SLC24A2: variants seen among roughly 807,000 people sequenced by gnomAD.
SLC24A2 encodes the protein solute carrier family 24 member 2.
A neutral mutation model predicts 62.0 loss-of-function variants in SLC24A2; 36 were observed. The ratio of observed to expected loss-of-function variants is 0.58; its 90% CI spans 0.44 to 0.77. The LOEUF (loss-of-function observed/expected upper bound fraction) is 0.77. SLC24A2 is among the 30% of genes least tolerant of loss of function. The pLI is 0.00. For synonymous variants in SLC24A2, 358 were observed against 294.0 expected (o/e 1.22, Z -2.23); for missense variants, 846 against 817.9 (o/e 1.03, Z -0.42).
the SLC24A2 span, among the ~76,000 whole-genome samples, chr9:20,074,252 CG>C: frequency 2.0e-5 from 3 of 151,900 alleles, no homozygotes; most frequent in African/African-American, 7.3e-5. Flanking sequence ...CAAATGATAG[CG>C]TTTTTCCTTC....
chr9:19,521,823 T>A (rs1469823764), intron 9 of SLC24A2, among the ~76,000 whole-genome samples: 1 of 152,076 alleles, frequency 6.6e-6, no homozygotes, highest in Non-Finnish European at 1.5e-5. Context: ...AATAGTACAT[T>A]ATTATTGAAA....
At chr9:19,959,764 G>A in the SLC24A2 span, among the ~76,000 whole-genome samples, 1 of 152,082 alleles carries the variant, frequency 6.6e-6, no homozygotes, top group Non-Finnish European at 1.5e-5. Flanking sequence ...AACAATTGCT[G>A]GTACTCACTG....
At chr9:19,885,718 T>C in the SLC24A2 span, among the ~76,000 whole-genome samples, 1 of 152,056 alleles carries the variant, frequency 6.6e-6, no homozygotes, top group Non-Finnish European at 1.5e-5. Context: ...TAGTACCCGA[T>C]AGGTATTATT....
the SLC24A2 span, among the ~76,000 whole-genome samples, chr9:20,046,967 A>G: frequency 1.3e-5 from 2 of 152,158 alleles, no homozygotes; most frequent in African/African-American, 4.8e-5. Context: ...AGATGGAACA[A>G]CCAGGAAGAC....
chr9:19,990,994 ATG>A, the SLC24A2 span, among the ~76,000 whole-genome samples: 2 of 142,566 alleles, frequency 1.4e-5, no homozygotes, highest in South Asian at 2.2e-4. Context: ...TGTATTATAT[ATG>A]TGTGTATACA....
chr9:19,614,377 T>G (rs1452183177), intron 4 of SLC24A2, among the ~76,000 whole-genome samples: 2 of 152,224 alleles, frequency 1.3e-5, no homozygotes, highest in African/African-American at 4.8e-5. Flanking sequence ...TGTTCAGCTA[T>G]GTTTGAACTA....
the SLC24A2 span, among the ~76,000 whole-genome samples, chr9:20,226,859 A>G: frequency 7.9e-5 from 12 of 152,362 alleles, no homozygotes; most frequent in Admixed American, 7.8e-4. Context: ...GTTTGCAAAT[A>G]GAGATACATC....
At chr9:19,924,288 G>T in the SLC24A2 span, among the ~76,000 whole-genome samples, 1 of 152,174 alleles carries the variant, frequency 6.6e-6, no homozygotes, top group African/African-American at 2.4e-5. Flanking sequence ...GTTTAGGGTG[G>T]TTGTGCAATT....
chr9:19,891,064 G>A, the SLC24A2 span, among the ~76,000 whole-genome samples: 576 of 152,178 alleles, frequency 3.8e-3, 1 homozygote, highest in Middle Eastern at 0.01. Flanking sequence ...TTCTTTGCAC[G>A]TACAATGCAT....
At chr9:19,646,331 A>G (rs909606999) in intron 2 of SLC24A2, among the ~76,000 whole-genome samples, 1 of 152,192 alleles carries the variant, frequency 6.6e-6, no homozygotes, top group Admixed American at 6.5e-5. Context: ...CCAACAGATC[A>G]TTTCCGTTCC....
chr9:19,716,320 A>C (rs1820858560), intron 2 of SLC24A2, among the ~76,000 whole-genome samples: 1 of 152,162 alleles, frequency 6.6e-6, no homozygotes, highest in South Asian at 2.1e-4. Context: ...TTTTATCCTG[A>C]TTACATGACA....
the SLC24A2 span, among the ~76,000 whole-genome samples, chr9:20,273,946 T>C: frequency 6.6e-6 from 1 of 152,208 alleles, no homozygotes; most frequent in South Asian, 2.1e-4. Flanking sequence ...CTCTTGTTAA[T>C]CTTTCTTTTG....
intron 2 of SLC24A2, among the ~76,000 whole-genome samples, chr9:19,775,913 G>GA (rs1564094454): frequency 6.6e-6 from 1 of 152,050 alleles, no homozygotes. Flanking sequence ...GGAAGAAGGA[G>GA]AAAAAAACGT....
rs1459419983 is a variant in SLC24A2, at chr9:19,564,609, C to G, written c.1347+8742G>C. 2.6e-5 allele frequency among the ~76,000 whole-genome samples: 4 copies of G among 152,214 alleles called. 1 individual carries two copies. In the East Asian group the frequency reaches 7.7e-4, roughly 29 times the overall value. Reference sequence around the variant, plus strand: ...TTTCTTATATAAATCTGTTTGCCCACAGGTGCATTTGGGAAGCTCTTAGCC... The same window carrying G: ...TTTCTTATATAAATCTGTTTGCCCAGAGGTGCATTTGGGAAGCTCTTAGCC... On this transcript the variant is annotated intron_variant, in intron 7 of 10. Coordinates refer to ENST00000341998, the MANE Select transcript of SLC24A2 (RefSeq NM_020344.4).
the SLC24A2 span, among the ~76,000 whole-genome samples, chr9:20,080,831 A>G: frequency 6.6e-6 from 1 of 152,134 alleles, no homozygotes; most frequent in Non-Finnish European, 1.5e-5. Flanking sequence ...ATGAACAGAC[A>G]CTTCTCAAAA....
the SLC24A2 span, among the ~76,000 whole-genome samples, chr9:19,902,124 G>A: frequency 6.6e-6 from 1 of 152,078 alleles, no homozygotes; most frequent in South Asian, 2.1e-4. Flanking sequence ...GTCTGTTCCG[G>A]CTACTTTAAC....
the SLC24A2 span, among the ~76,000 whole-genome samples, chr9:20,307,693 T>G: frequency 6.6e-6 from 1 of 152,194 alleles, no homozygotes; most frequent in Non-Finnish European, 1.5e-5. Context: ...TCGGCCCCTT[T>G]GTTGGTCTTC....
At chr9:20,128,621 A>G in the SLC24A2 span, among the ~76,000 whole-genome samples, 1 of 152,168 alleles carries the variant, frequency 6.6e-6, no homozygotes, top group African/African-American at 2.4e-5. Flanking sequence ...TGAAGTTAAG[A>G]TTTTTTGCAG....
the SLC24A2 span, among the ~76,000 whole-genome samples, chr9:19,897,939 C>G: frequency 5.9e-5 from 9 of 152,166 alleles, no homozygotes; most frequent in African/African-American, 2.2e-4. Flanking sequence ...TCCCACTTTT[C>G]CTTTTGCTGA....
Sources: allele counts gnomAD v4.1 joint callset (sites outside exome capture counted in the v4.1 genomes callset), GRCh38; gene constraint gnomAD v4.1.1; transcripts MANE v1.5; gene names NCBI Gene and HGNC (gene_info 2026-07-23, HGNC 2026-07-21).